The following CDH18 variants were observed in gnomAD, a reference collection of about 807,000 sequenced individuals.
CDH18 encodes cadherin 18, also known as cadherin-18.
Under a neutral mutation model 67.9 loss-of-function variants are expected in CDH18, and 31 were observed. That is an observed-to-expected ratio of 0.46 (90% confidence interval 0.34 to 0.62). CDH18 has a LOEUF of 0.62. Ranked by LOEUF, CDH18 falls within the 20% of genes least tolerant of loss-of-function variation. The pLI is 0.01. For missense variants in CDH18, 890 were observed against 975.5 expected (o/e 0.91, Z 1.17); for synonymous variants, 362 against 347.2 (o/e 1.04, Z -0.48).
intron 1 of CDH18, among the ~76,000 whole-genome samples, chr5:20,488,673 T>TTATATATATATA (rs34690857): frequency 0.011 from 1,368 of 126,726 alleles, 12 homozygotes; most frequent in Middle Eastern, 0.032. Flanking sequence ...GGGTAGTGTT[T>TTATATATATATA]TATATATATA....
intron 10 of CDH18, among the ~76,000 whole-genome samples, chr5:19,516,137 G>C (rs951094217): frequency 7.2e-5 from 11 of 152,004 alleles, no homozygotes; most frequent in African/African-American, 2.7e-4. Context: ...ATATGTTTAT[G>C]TGATGGATTA....
chr5:20,096,487 G>GA (rs1746003900), intron 2 of CDH18, among the ~76,000 whole-genome samples: 1 of 151,988 alleles, frequency 6.6e-6, no homozygotes, highest in Non-Finnish European at 1.5e-5. Context: ...AAATATGTGT[G>GA]AAAATATAAA....
rs146116673 is a variant in CDH18, at chr5:19,483,339, G to C, written c.1844C>G (p.Ala615Gly). ...FLSSAGLSTG[A>G]LIAILLCVLI... The stretch of plus-strand genomic sequence containing the variant: ...AACACAGAGAAGAATAGCGATTAAG[G>C]CTCCTGTACTCAAACCAGCCGAGGA... The change falls in exon 12 of 13, where the codon GCC becomes GGC. Residue 615 changes from alanine (A) to glycine (G), a missense_variant. Physicochemically the swap from Ala to Gly is moderately conservative, Grantham distance 60. Coordinates refer to ENST00000382275, the MANE Select transcript of CDH18 (RefSeq NM_004934.5). 301 of 1,613,834 alleles carry C rather than the reference G, an allele frequency of 1.9e-4. 1 individual carries two copies. The highest frequency in any genetic ancestry group is 2.4e-4 in the Non-Finnish European group (289 of 1,179,960).
intron 1 of CDH18, among the ~76,000 whole-genome samples, chr5:20,308,251 G>A (rs934645717): frequency 3.3e-5 from 5 of 151,740 alleles, no homozygotes; most frequent in East Asian, 3.9e-4. Context: ...ACACTTGATC[G>A]TAGCCAAAAG....
intron 1 of CDH18, among the ~76,000 whole-genome samples, chr5:20,497,444 A>G (rs1581109823): frequency 6.6e-6 from 1 of 152,078 alleles, no homozygotes; most frequent in Admixed American, 6.6e-5. Flanking sequence ...TTGTGTTACA[A>G]TTGTTTACAG....
rs552319901 is a variant in CDH18, at chr5:19,940,124, A to G, written c.-257+40936T>C. Among the ~76,000 whole-genome samples, 11 of 151,872 alleles carry G rather than the reference A, an allele frequency of 7.2e-5. No individual in the cohort carries two copies. In the East Asian group the frequency reaches 2.1e-3, roughly 29 times the overall value. ...GTACTTTTCTTTTAACTTTATTTTT[A>G]TACCTCAAAAAAGAAAGCCTCATAA... is the stretch of plus-strand genomic sequence containing the variant. On this transcript the variant is annotated intron_variant, in intron 2 of 12. Transcript: ENST00000382275.
intron 1 of CDH18, among the ~76,000 whole-genome samples, chr5:20,332,655 C>T (rs1739287802): frequency 2.0e-5 from 3 of 152,178 alleles, no homozygotes; most frequent in Admixed American, 1.3e-4. Context: ...TTTCTAGTAA[C>T]AAAAATGTCA....
intron 1 of CDH18, among the ~76,000 whole-genome samples, chr5:20,363,583 C>A (rs944038979): frequency 6.6e-6 from 1 of 151,684 alleles, no homozygotes; most frequent in African/African-American, 2.4e-5. Flanking sequence ...CTCCTTTACT[C>A]CCCCTGCTTC....
chr5:19,553,158 C>T (rs1365063708), intron 8 of CDH18, among the ~76,000 whole-genome samples: 1 of 152,094 alleles, frequency 6.6e-6, no homozygotes, highest in Non-Finnish European at 1.5e-5. Flanking sequence ...AACTCAGCTT[C>T]CCTTTGATTA....
intron 2 of CDH18, among the ~76,000 whole-genome samples, chr5:19,930,466 T>C (rs1404568060): frequency 6.6e-6 from 1 of 152,054 alleles, no homozygotes; most frequent in Non-Finnish European, 1.5e-5. Context: ...ATCTCTCTCA[T>C]ATTATGGAAG....
At chr5:20,530,604 CT>C (rs1176644897) in intron 1 of CDH18, among the ~76,000 whole-genome samples, 2 of 152,016 alleles carry the variant, frequency 1.3e-5, no homozygotes, top group Non-Finnish European at 2.9e-5. Flanking sequence ...GCCATCTGAT[CT>C]CCAACAAACC....
chr5:20,126,461 G>A (rs965395418), intron 2 of CDH18, among the ~76,000 whole-genome samples: 10 of 152,060 alleles, frequency 6.6e-5, no homozygotes, highest in African/African-American at 2.2e-4. Flanking sequence ...GTAGAGAGGT[G>A]GGATAACATC....
At chr5:20,238,870 G>A (rs377269013) in intron 2 of CDH18, among the ~76,000 whole-genome samples, 64 of 152,160 alleles carry the variant, frequency 4.2e-4, no homozygotes, top group Non-Finnish European at 8.1e-4. Flanking sequence ...TCCATATAAA[G>A]GCTATGAATA....
At chr5:20,123,525 A>G (rs1748549326) in intron 2 of CDH18, among the ~76,000 whole-genome samples, 1 of 152,092 alleles carries the variant, frequency 6.6e-6, no homozygotes, top group African/African-American at 2.4e-5. Flanking sequence ...TTAAGCTCCC[A>G]TTATTTCCCC....
intron 1 of CDH18, among the ~76,000 whole-genome samples, chr5:20,485,849 A>G (rs1753135668): frequency 6.6e-6 from 1 of 152,206 alleles, no homozygotes; most frequent in Non-Finnish European, 1.5e-5. Flanking sequence ...ATTTCATAGC[A>G]CATATATGAT....
At chr5:20,448,992 A>AATATAT (rs34431118) in intron 1 of CDH18, among the ~76,000 whole-genome samples, 3,393 of 148,808 alleles carry the variant, frequency 0.023, 136 homozygotes, top group African/African-American at 0.08. Context: ...CTGTTGCATG[A>AATATAT]ATATATATAT....
At chr5:19,496,144 A>C (rs977217595) in intron 11 of CDH18, among the ~76,000 whole-genome samples, 1 of 152,210 alleles carries the variant, frequency 6.6e-6, no homozygotes, top group African/African-American at 2.4e-5. Flanking sequence ...GATTAAAGCT[A>C]AAGGCCACTG....
intron 2 of CDH18, among the ~76,000 whole-genome samples, chr5:20,181,937 G>T (rs574684189): frequency 2.0e-5 from 3 of 151,932 alleles, no homozygotes; most frequent in African/African-American, 7.2e-5. Context: ...TTCTTTCCTC[G>T]CTCTGTCTCA....
chr5:19,719,570 AT>A lies in CDH18; in HGVS notation c.643+1776del, dbSNP rs1765746874. On this transcript the variant is annotated intron_variant, in intron 5 of 12. Coordinates refer to ENST00000382275, the MANE Select transcript of CDH18 (RefSeq NM_004934.5). Reference sequence around the variant, plus strand: ...ATAATGTGTAATCATAAATATGTACATTTTTGTGCCACCACTTAGATTACTA... The same window carrying A: ...ATAATGTGTAATCATAAATATGTACATTTTGTGCCACCACTTAGATTACTA... Among the ~76,000 whole-genome samples, 3 of 152,032 alleles carry A rather than the reference AT, an allele frequency of 2.0e-5. No homozygotes were observed. In the South Asian group the frequency reaches 6.2e-4, roughly 32 times the overall value.
Sources: allele counts gnomAD v4.1 joint callset (sites outside exome capture counted in the v4.1 genomes callset), GRCh38; gene constraint gnomAD v4.1.1; transcripts MANE v1.5; gene names NCBI Gene and HGNC (gene_info 2026-07-23, HGNC 2026-07-21).